Variants in U2AF2 observed in about 807,000 individuals in gnomAD.
The protein encoded by U2AF2 is U2 small nuclear RNA auxiliary factor 2.
Under a neutral mutation model 52.6 loss-of-function variants are expected in U2AF2, and 6 were observed. The ratio of observed to expected loss-of-function variants is 0.11; its 90% CI spans 0.06 to 0.23. The LOEUF is 0.23. U2AF2 is among the 10% of genes least tolerant of loss of function. The pLI is 1.00. For missense variants in U2AF2, 222 were observed against 677.1 expected (o/e 0.33, Z 7.46); for synonymous variants, 284 against 258.2 (o/e 1.10, Z -0.96).
intron 5 of U2AF2, chr19:55,661,709 CCTTCCTGTGG>C (rs1401608277): frequency 6.4e-6 from 1 of 156,000 alleles, no homozygotes; most frequent in Non-Finnish European, 1.4e-5. Context: ...CTCCCCAACC[CCTTCCTGTGG>C]CACCCCCTGA....
intron 10 of U2AF2, 48 bp downstream of exon 10, chr19:55,669,229 T>C: frequency 3.7e-6 from 6 of 1,602,360 alleles, no homozygotes; most frequent in Non-Finnish European, 5.1e-6. Flanking sequence ...TGGGAGGGGC[T>C]GGCTAGTAGG....
chr19:55,671,043 T>C (rs115439798), intron 11 of U2AF2, among the ~76,000 whole-genome samples: 56 of 152,290 alleles, frequency 3.7e-4, no homozygotes, highest in African/African-American at 1.3e-3. Flanking sequence ...GGGGGCCTTC[T>C]TATGTCATGG....
rs758047557 is a variant in U2AF2, at chr19:55,668,425, T to C, written c.743-82T>C. On this transcript the variant is annotated intron_variant, in intron 7 of 11. Coordinates refer to ENST00000308924, the MANE Select transcript of U2AF2 (RefSeq NM_007279.3). The surrounding 1 kb of genome is among the most constrained non-coding windows in gnomAD (Gnocchi z 5.5). ...AGGCAGGAAGTGTTCTCTTTGGCAA[T>C]TGAGGAGCTCGCCGTAGACTGTCCA... 1 of 1,373,396 alleles carries C rather than the reference T, an allele frequency of 7.3e-7. No individual in the cohort carries two copies. Among genetic ancestry groups the C allele is most frequent in the Non-Finnish European group, 9.9e-7 (1 of 1,010,656 alleles). 85.1% of individuals were successfully genotyped at this position (1,373,396 alleles called of 1,614,324 possible). A position where few individuals can be genotyped will look rare whatever the true frequency, so the allele number is the denominator to read the frequency against.
At chr19:55,656,487 G>A (rs947998126) in intron 1 of U2AF2, among the ~76,000 whole-genome samples, 14 of 151,176 alleles carry the variant, frequency 9.3e-5, no homozygotes, top group Non-Finnish European at 1.5e-4. Flanking sequence ...CTTTTAATAC[G>A]TTTATATATT....
rs1984363834 is a variant in U2AF2, at chr19:55,663,713, C to A, written c.711C>A (p.Gly237=). The change falls in exon 7 of 12, where the codon GGC becomes GGA. Residue 237 remains glycine, a synonymous_variant. Transcript: ENST00000308924. ...CTCACGACTACCAGCCGCTTCCTGG[C>A]ATGTCAGAGAACCCCTCCGTCTATG... ...RRPHDYQPLP[G]MSENPSVYVP... is the part of the protein sequence containing the mutation. The A allele has an allele frequency of 6.2e-7, 1 of 1,614,042 alleles. No individual in the cohort carries two copies. Among genetic ancestry groups the A allele is most frequent in the African/African-American group, 1.3e-5 (1 of 74,926 alleles).
At chr19:55,664,273 T>C (rs1984403339) in intron 7 of U2AF2, among the ~76,000 whole-genome samples, 1 of 152,240 alleles carries the variant, frequency 6.6e-6, no homozygotes, top group Non-Finnish European at 1.5e-5. Context: ...TTGGCGACCA[T>C]GTCACTGTGT....
chr19:55,659,628 T>C (rs1984030860), intron 2 of U2AF2, among the ~76,000 whole-genome samples: 1 of 151,996 alleles, frequency 6.6e-6, no homozygotes, highest in Non-Finnish European at 1.5e-5. Context: ...TTCTGTGTTT[T>C]CCTTCACAAG....
At chr19:55,671,310 A>C (rs918750880) in intron 11 of U2AF2, 1 of 135,932 alleles carries the variant, frequency 7.4e-6, no homozygotes, top group Non-Finnish European at 1.6e-5. Flanking sequence ...GGGGAGGAGA[A>C]GGCCTATGAG....
At chr19:55,655,331 G>A (rs1428374758) in intron 1 of U2AF2, among the ~76,000 whole-genome samples, 178 bp downstream of exon 1, 4 of 152,170 alleles carry the variant, frequency 2.6e-5, no homozygotes, top group Admixed American at 6.5e-5. Flanking sequence ...CGCGCGCTAG[G>A]CGAGGGGAAG....
chr19:55,674,452 A>G lies in U2AF2; in HGVS notation c.*384A>G, dbSNP rs1471661072. 5.6e-6 allele frequency: 1 copy of G among 177,484 alleles called. No homozygotes were observed. The highest frequency in any genetic ancestry group is 2.4e-5 in the African/African-American group (1 of 42,028). The allele number at this position is 177,484 out of a possible 1,614,324, so 11.0% of individuals were successfully genotyped here. A position where few individuals can be genotyped will look rare whatever the true frequency, so the allele number is the denominator to read the frequency against. On this transcript the variant is annotated 3_prime_UTR_variant, in exon 12 of 12. Transcript: ENST00000308924. Reference sequence around the variant, plus strand: ...CCCACGGTAGGAACATAGCGTGTTTATATTTTATGGCCAAACTATTTTGAA... The same window carrying G: ...CCCACGGTAGGAACATAGCGTGTTTGTATTTTATGGCCAAACTATTTTGAA...
chr19:55,672,477 G>A (rs1380073404), intron 11 of U2AF2, among the ~76,000 whole-genome samples: 6 of 151,970 alleles, frequency 3.9e-5, no homozygotes, highest in Admixed American at 3.9e-4. Context: ...TGCGTTGTAG[G>A]ATATTGAGAT....
chr19:55,668,803 G>A lies in U2AF2; in HGVS notation c.945+11G>A, dbSNP rs556042820. On this transcript the variant is annotated intron_variant, in intron 9 of 11. Transcript: ENST00000308924. This position sits in a 1 kb window ranked among gnomAD's most constrained non-coding sequence, Gnocchi z 5.5. ...AACGTCACGGATCAGGTGAGTCCCCGGTCGCTGGCCGCTGCCGCGTCTGTC... is the reference window on the plus strand; with the variant it reads ...AACGTCACGGATCAGGTGAGTCCCCAGTCGCTGGCCGCTGCCGCGTCTGTC... 2.4e-5 allele frequency: 38 copies of A among 1,607,140 alleles called. No individual in the cohort carries two copies. Among genetic ancestry groups the A allele is most frequent in the African/African-American group, 4.0e-5 (3 of 74,920 alleles).
intron 1 of U2AF2, among the ~76,000 whole-genome samples, chr19:55,658,675 G>A (rs1280804127): frequency 6.6e-6 from 1 of 152,144 alleles, no homozygotes; most frequent in Non-Finnish European, 1.5e-5. Context: ...GCTTGCTTCT[G>A]CATTATTCAC....
chr19:55,674,606 C>G lies in U2AF2; in HGVS notation c.*538C>G, dbSNP rs1985181562. ...TAGTTGATTTTTCCTCTTTAGTCTC[C>G]CCCGACCTGCGCCCAGCCCCGTGGC... On this transcript the variant is annotated 3_prime_UTR_variant, in exon 12 of 12. Transcript: ENST00000308924. 1 of 153,532 alleles carries G rather than the reference C, an allele frequency of 6.5e-6. No homozygotes were observed. The highest frequency in any genetic ancestry group is 2.4e-5 in the African/African-American group (1 of 41,360). 9.5% of individuals were successfully genotyped at this position (153,532 alleles called of 1,614,324 possible).
intron 11 of U2AF2, chr19:55,670,534 C>CGTTCACCCTGCTGTCCG (rs143152939): frequency 4.3e-5 from 8 of 185,906 alleles, no homozygotes; most frequent in South Asian, 2.8e-4. Context: ...CCTGCTGTCC[C>CGTTCACCCTGCTGTCCG]TGCACCCTGC....
Position 55,659,300 on chromosome 19 carries a change from G to A in U2AF2, c.140G>A (p.Arg47His), listed in dbSNP as rs779646543. 2 of 1,592,866 alleles carry A rather than the reference G, an allele frequency of 1.3e-6. No homozygotes were observed. Among genetic ancestry groups the A allele is most frequent in the Non-Finnish European group, 8.6e-7 (1 of 1,168,652 alleles). ...CGCCGGAGCCGGAGCCGCGACCGGC[G>A]CAACCGGGACCAGCGGAGCGCCTCC... Reference protein sequence around the residue: ...RKRRSRSRDRRNRDQRSASRD... With the variant: ...RKRRSRSRDRHNRDQRSASRD... The change falls in exon 2 of 12, where the codon CGC becomes CAC. Residue 47 changes from arginine (R) to histidine (H), a missense_variant. Arg to His is a conservative substitution (Grantham distance 29). Transcript: ENST00000308924.
intron 11 of U2AF2, among the ~76,000 whole-genome samples, 179 bp downstream of exon 11, chr19:55,669,871 C>T (rs1172663814): frequency 6.6e-6 from 1 of 152,160 alleles, no homozygotes; most frequent in Non-Finnish European, 1.5e-5. Flanking sequence ...TGAGTGCCGC[C>T]CTCAGGCCGG....
rs746233658 is a variant in U2AF2 at position 55,660,579 on chromosome 19, C to G, written c.294C>G (p.Gly98=). The change falls in exon 4 of 12, where the codon GGC becomes GGG. Residue 98 remains glycine, a synonymous_variant. Transcript: ENST00000308924. Reference sequence around the variant, plus strand: ...AATACTGGGACGTGCCACCCCCAGGCTTTGAGCACATCACCCCAATGCAGT... The same window carrying G: ...AATACTGGGACGTGCCACCCCCAGGGTTTGAGCACATCACCCCAATGCAGT... ...VRKYWDVPPP[G]FEHITPMQYK... is the part of the protein sequence containing the mutation. 1 of 1,613,196 alleles carries G rather than the reference C, an allele frequency of 6.2e-7. No individual in the cohort carries two copies. Among genetic ancestry groups the G allele is most frequent in the South Asian group, 1.1e-5 (1 of 91,060 alleles).
At chr19:55,663,793 C>A in intron 7 of U2AF2, 49 bp downstream of exon 7, 1 of 1,607,788 alleles carries the variant, frequency 6.2e-7, no homozygotes, top group Non-Finnish European at 8.5e-7. Flanking sequence ...GTCCTGTTCC[C>A]ATGGCCTGTC....
Sources: allele counts gnomAD v4.1 joint callset (sites outside exome capture counted in the v4.1 genomes callset), GRCh38; gene constraint gnomAD v4.1.1; non-coding constraint Gnocchi (gnomAD v3.1); transcripts MANE v1.5; gene names NCBI Gene and HGNC (gene_info 2026-07-23, HGNC 2026-07-21).